Variants in PLXDC2 observed in about 807,000 individuals in gnomAD.
The protein encoded by PLXDC2 is plexin domain-containing protein 2.
In PLXDC2, 40 loss-of-function variants were observed where a neutral mutation model predicts 68.9. The observed-to-expected ratio is 0.58, with a 90% CI of 0.45 to 0.76. The LOEUF is 0.76. Ranked by LOEUF, PLXDC2 falls within the 30% of genes least tolerant of loss-of-function variation. The pLI is 0.00. For missense variants in PLXDC2, 644 were observed against 661.9 expected (o/e 0.97, Z 0.30); for synonymous variants, 243 against 234.2 (o/e 1.04, Z -0.34).
At chr10:20,260,585 C>A (rs551338527) in intron 13 of PLXDC2, among the ~76,000 whole-genome samples, 1 of 152,290 alleles carries the variant, frequency 6.6e-6, no homozygotes, top group African/African-American at 2.4e-5. Context: ...GTTGTGGTAT[C>A]CATTCACCTG....
At chr10:20,202,975 A>G (rs1052647858) in intron 9 of PLXDC2, among the ~76,000 whole-genome samples, 1 of 152,106 alleles carries the variant, frequency 6.6e-6, no homozygotes, top group Non-Finnish European at 1.5e-5. Flanking sequence ...AAAATGCACA[A>G]ATGAGGACAT....
At chr10:20,160,157 T>C (rs1834271811) in intron 6 of PLXDC2, among the ~76,000 whole-genome samples, 1 of 152,206 alleles carries the variant, frequency 6.6e-6, no homozygotes, top group Admixed American at 6.5e-5. Flanking sequence ...TTCTATCTTA[T>C]CAAATGGACA....
At chr10:19,877,576 G>T (rs578045616) in intron 1 of PLXDC2, among the ~76,000 whole-genome samples, 12 of 152,124 alleles carry the variant, frequency 7.9e-5, no homozygotes, top group Non-Finnish European at 1.6e-4. Context: ...CTTCCTTTCC[G>T]TGTGGGCTGG....
At chr10:19,820,852 C>T (rs1293216368) in intron 1 of PLXDC2, among the ~76,000 whole-genome samples, 6 of 151,990 alleles carry the variant, frequency 3.9e-5, no homozygotes, top group Non-Finnish European at 7.4e-5. Context: ...CCGAGGTGGG[C>T]GGATCACCTG....
chr10:19,950,104 A>G (rs987673130), intron 1 of PLXDC2, among the ~76,000 whole-genome samples: 3 of 152,316 alleles, frequency 2.0e-5, no homozygotes, highest in East Asian at 1.9e-4. Context: ...GAGAACTGGA[A>G]CAAGACAAGG....
At chr10:19,979,550 T>C (rs1357819626) in intron 1 of PLXDC2, among the ~76,000 whole-genome samples, 1 of 152,034 alleles carries the variant, frequency 6.6e-6, no homozygotes, top group East Asian at 1.9e-4. Flanking sequence ...TTTTGTATTT[T>C]TAGCCAAGGT....
At chr10:19,975,367 A>T (rs1353375522) in intron 1 of PLXDC2, among the ~76,000 whole-genome samples, 1 of 152,170 alleles carries the variant, frequency 6.6e-6, no homozygotes, top group Admixed American at 6.5e-5. Context: ...CCGAGGCAGG[A>T]GAATGACGTG....
chr10:19,864,883 G>A (rs1356004936), intron 1 of PLXDC2, among the ~76,000 whole-genome samples: 3 of 152,250 alleles, frequency 2.0e-5, no homozygotes, highest in East Asian at 1.9e-4. Flanking sequence ...TGAGTCAAAC[G>A]GGGCTTCCTC....
chr10:19,862,398 T>A (rs1422932977), intron 1 of PLXDC2, among the ~76,000 whole-genome samples: 2 of 152,164 alleles, frequency 1.3e-5, no homozygotes, highest in Non-Finnish European at 1.5e-5. Context: ...CATTAAAAAA[T>A]TTATTAAGTG....
intron 6 of PLXDC2, among the ~76,000 whole-genome samples, chr10:20,162,046 G>A (rs867090422): frequency 0.012 from 445 of 37,968 alleles, 2 homozygotes; most frequent in African/African-American, 0.047. Context: ...GAAAGAAAGA[G>A]AGAGAGAGAG....
chr10:20,131,166 T>A (rs113746140), intron 4 of PLXDC2, among the ~76,000 whole-genome samples: 250 of 23,366 alleles, frequency 0.011, 1 homozygote, highest in Middle Eastern at 0.026. Context: ...TTACTTGTTA[T>A]TTTTTTTTTT....
At position 20,114,702 on chromosome 10, in the gene PLXDC2, T is replaced by A. The variant is rs538846570; in HGVS notation, c.542-28593T>A. ...TTTTCAGGGCACAGAAGCAGGAAAG[T>A]ATATTTCAGGCAGAAACAGCAGCCT... On this transcript the variant is annotated intron_variant, in intron 4 of 13. Transcript: ENST00000377252. 1.8e-4 allele frequency among the ~76,000 whole-genome samples: 27 copies of A among 152,250 alleles called. 1 individual carries two copies. The South Asian group carries it at 4.1e-3, about 23-fold the overall frequency.
intron 12 of PLXDC2, among the ~76,000 whole-genome samples, chr10:20,228,691 A>T (rs1835319346): frequency 6.6e-6 from 1 of 151,608 alleles, no homozygotes; most frequent in Non-Finnish European, 1.5e-5. Context: ...GAAGGAAGGG[A>T]GGGAGGGCCA....
chr10:20,049,980 C>T (rs1339354616), intron 3 of PLXDC2, among the ~76,000 whole-genome samples: 1 of 152,066 alleles, frequency 6.6e-6, no homozygotes. Context: ...GCTGAAGTAA[C>T]CAAAACAGCA....
intron 3 of PLXDC2, among the ~76,000 whole-genome samples, chr10:20,056,639 C>T (rs941255131): frequency 6.6e-6 from 1 of 152,142 alleles, no homozygotes; most frequent in Non-Finnish European, 1.5e-5. Flanking sequence ...TCACATTGAT[C>T]CATTTCTTTT....
At chr10:19,999,423 C>G (rs1471873893) in intron 1 of PLXDC2, among the ~76,000 whole-genome samples, 1 of 149,536 alleles carries the variant, frequency 6.7e-6, no homozygotes, top group Non-Finnish European at 1.5e-5. Flanking sequence ...TTTTGAAAGA[C>G]TGATAGGCCT....
intron 2 of PLXDC2, among the ~76,000 whole-genome samples, chr10:20,027,563 G>A (rs925626711): frequency 1.3e-5 from 2 of 152,014 alleles, no homozygotes; most frequent in Admixed American, 6.6e-5. Flanking sequence ...ACAAATGGAC[G>A]AAGGCATTGT....
At chr10:20,201,530 A>C (rs973236865) in intron 9 of PLXDC2, among the ~76,000 whole-genome samples, 2 of 151,956 alleles carry the variant, frequency 1.3e-5, no homozygotes, top group African/African-American at 4.8e-5. Context: ...TAACAATATA[A>C]CATATATAAT....
chr10:20,163,790 AT>A (rs1289186224), intron 6 of PLXDC2, among the ~76,000 whole-genome samples: 4 of 152,198 alleles, frequency 2.6e-5, no homozygotes, highest in Admixed American at 1.3e-4. Context: ...ATGTATCATA[AT>A]TTTTTAACTG....
Sources: allele counts gnomAD v4.1 joint callset (sites outside exome capture counted in the v4.1 genomes callset), GRCh38; gene constraint gnomAD v4.1.1; transcripts MANE v1.5; gene names NCBI Gene and HGNC (gene_info 2026-07-23, HGNC 2026-07-21).